Variants in MAP3K13 observed in about 807,000 individuals in gnomAD.
The protein encoded by MAP3K13 is leucine zipper-bearing kinase.
MAP3K13 carries 52 observed loss-of-function variants against 104.0 expected under a neutral mutation model. The ratio of observed to expected loss-of-function variants is 0.50; its 90% CI spans 0.40 to 0.63. The LOEUF (loss-of-function observed/expected upper bound fraction) is 0.63. MAP3K13 is among the 20% of genes least tolerant of loss of function. MAP3K13 has a pLI of 0.00. For missense variants in MAP3K13, 914 were observed against 1,218.5 expected (o/e 0.75, Z 3.72); for synonymous variants, 394 against 442.2 (o/e 0.89, Z 1.37).
In MAP3K13 at chr3:185,454,255, C is replaced by CATATATGAGATATATATCATATATATGAT. The variant is rs1560116114; in HGVS notation, c.1278+2887_1278+2915dup. ...ACATATATATGAGATATATATGATA[C>CATATATGAGATATATATCATATATATGAT]ATATATGAGATATATATCATATATA... On this transcript the variant is annotated intron_variant, in intron 7 of 13. Coordinates refer to ENST00000265026, the MANE Select transcript of MAP3K13 (RefSeq NM_004721.5). Among the ~76,000 whole-genome samples the CATATATGAGATATATATCATATATATGAT allele has an allele frequency of 6.9e-4, 46 of 66,530 alleles. 9 individuals carry two copies. The highest frequency in any genetic ancestry group is 2.4e-3 in the African/African-American group (42 of 17,754). 43.6% of individuals were successfully genotyped at this position (66,530 alleles called of 152,430 possible). A position where few individuals can be genotyped will look rare whatever the true frequency, so the allele number is the denominator to read the frequency against.
Position 185,455,794 on chromosome 3 carries a change from TATGAGATATATGA to T in MAP3K13, c.1278+4400_1278+4412del, listed in dbSNP as rs1716665079. The stretch of plus-strand genomic sequence containing the variant: ...ATATGATATATATATGAGATATATA[TATGAGATATATGA>T]GATATATATATGAGATATATATGAG... On this transcript the variant is annotated intron_variant, in intron 7 of 13. Transcript: ENST00000265026. Among the ~76,000 whole-genome samples the T allele has an allele frequency of 7.0e-5, 8 of 113,808 alleles. No homozygotes were observed. In the East Asian group the frequency reaches 9.2e-4, roughly 13 times the overall value. The allele number at this position is 113,808 out of a possible 152,430, so 74.7% of individuals were successfully genotyped here. A position where few individuals can be genotyped will look rare whatever the true frequency, so the allele number is the denominator to read the frequency against.
chr3:185,385,074 G>C (rs1187347492), intron 1 of MAP3K13, among the ~76,000 whole-genome samples: 2 of 152,066 alleles, frequency 1.3e-5, no homozygotes. Context: ...TATAGTTTCA[G>C]GTCATAAGTT....
At chr3:185,478,482 T>C (rs1439468517) in intron 12 of MAP3K13, among the ~76,000 whole-genome samples, 1 of 152,138 alleles carries the variant, frequency 6.6e-6, no homozygotes, top group Non-Finnish European at 1.5e-5. Context: ...CTGCTATTCC[T>C]GGACTCTTTA....
chr3:185,463,732 A>T lies in MAP3K13; in HGVS notation c.1388+73A>T, dbSNP rs1308791534. On this transcript the variant is annotated intron_variant, in intron 8 of 13. Transcript: ENST00000265026. Reference sequence around the variant, plus strand: ...GATGTTAACAGGCACCCTTATCATAACCACCATTTCACTTTCCACACACCT... The same window carrying T: ...GATGTTAACAGGCACCCTTATCATATCCACCATTTCACTTTCCACACACCT... 3 of 837,076 alleles carry T rather than the reference A, an allele frequency of 3.6e-6. No individual in the cohort carries two copies. The Admixed American group carries it at 5.8e-5, about 16-fold the overall frequency. The allele number at this position is 837,076 out of a possible 1,614,324, so 51.9% of individuals were successfully genotyped here.
chr3:185,466,493 C>T (rs1577608733), intron 9 of MAP3K13, among the ~76,000 whole-genome samples: 1 of 150,152 alleles, frequency 6.7e-6, no homozygotes, highest in African/African-American at 2.4e-5. Flanking sequence ...TCTCCTGCCT[C>T]AGCCTCCTGA....
At chr3:185,319,190 G>C (rs1721775975) in intron 2 of MAP3K13, among the ~76,000 whole-genome samples, 1 of 152,020 alleles carries the variant, frequency 6.6e-6, no homozygotes, top group East Asian at 1.9e-4. Flanking sequence ...TTCCTCATTA[G>C]TTTTCACTGC....
chr3:185,301,252 C>T (rs1219912558), intron 2 of MAP3K13, among the ~76,000 whole-genome samples: 1 of 151,582 alleles, frequency 6.6e-6, no homozygotes, highest in African/African-American at 2.4e-5. Flanking sequence ...ATATGTTTGT[C>T]GGTCATTTGT....
chr3:185,460,105 T>C (rs1717012101), intron 7 of MAP3K13, among the ~76,000 whole-genome samples: 2 of 152,244 alleles, frequency 1.3e-5, no homozygotes, highest in East Asian at 3.9e-4. Flanking sequence ...TGTTTATCCG[T>C]TTATCTATTA....
At position 185,473,289 on chromosome 3, in the gene MAP3K13, A is replaced by G. The variant is rs747496570; in HGVS notation, c.1958A>G (p.His653Arg). 9.3e-6 allele frequency: 15 copies of G among 1,614,008 alleles called. No homozygotes were observed. The East Asian group carries it at 2.5e-4, about 26-fold the overall frequency. The change falls in exon 11 of 14, where the codon CAT (histidine) becomes CGT (arginine). Residue 653 changes from histidine (H) to arginine (R), a missense_variant. By Grantham distance (29) the His-to-Arg change is conservative. Around this residue, in one of 3 missense-constraint regions of MAP3K13, gnomAD observed 583 missense variants for 737.4 expected, o/e 0.79. Coordinates refer to ENST00000265026, the MANE Select transcript of MAP3K13 (RefSeq NM_004721.5). This position sits in a 1 kb window ranked among gnomAD's most constrained non-coding sequence, Gnocchi z 4.9. ...QPPPAMSQSH[H>R]PRLNMHGQDI... The stretch of plus-strand genomic sequence containing the variant: ...CCTCCTGCCATGTCCCAGAGTCACC[A>G]TCCCAGACTCAATATGCACGGACAG...
Position 185,331,092 on chromosome 3 carries a change from C to CTTTTTTTT in MAP3K13, c.-86+45460_-86+45467dup, listed in dbSNP as rs34204309. Among the ~76,000 whole-genome samples the CTTTTTTTT allele has an allele frequency of 2.3e-4, 25 of 108,578 alleles. 2 individuals are homozygous for CTTTTTTTT. Among genetic ancestry groups the CTTTTTTTT allele is most frequent in the Non-Finnish European group, 2.8e-4 (16 of 56,314 alleles). 71.2% of individuals were successfully genotyped at this position (108,578 alleles called of 152,430 possible). On this transcript the variant is annotated intron_variant, in intron 2 of 14. Transcript: ENST00000424227. The stretch of plus-strand genomic sequence containing the variant: ...CTTTTTTTCTTTTAACCTAATTTAC[C>CTTTTTTTT]TTTTTTTTTTTTTTTTTTGAGACGG...
intron 1 of MAP3K13, among the ~76,000 whole-genome samples, chr3:185,407,916 A>G (rs888842556): frequency 2.0e-5 from 2 of 98,006 alleles, no homozygotes; most frequent in African/African-American, 8.3e-5. Context: ...TTGCTTTGTC[A>G]CCAAGGCTGG....
intron 2 of MAP3K13, 32 bp downstream of exon 2, chr3:185,429,088 C>T: frequency 6.3e-7 from 1 of 1,586,726 alleles, no homozygotes; most frequent in African/African-American, 1.3e-5. Context: ...GAAGATATTT[C>T]TTGTGTAAAC....
chr3:185,394,807 A>C (rs1560082720), intron 1 of MAP3K13, among the ~76,000 whole-genome samples: 2 of 152,198 alleles, frequency 1.3e-5, no homozygotes, highest in Non-Finnish European at 2.9e-5. Flanking sequence ...AGAAAGACCT[A>C]ATTTGAAATC....
chr3:185,440,892 G>C (rs1346702189), intron 3 of MAP3K13, among the ~76,000 whole-genome samples: 1 of 152,220 alleles, frequency 6.6e-6, no homozygotes, highest in Non-Finnish European at 1.5e-5. Context: ...ATAAGACATA[G>C]AGAATTACAT....
At chr3:185,317,622 G>C (rs1198871638) in intron 2 of MAP3K13, among the ~76,000 whole-genome samples, 2 of 152,164 alleles carry the variant, frequency 1.3e-5, no homozygotes, top group African/African-American at 2.4e-5. Flanking sequence ...AAATAGACCT[G>C]TCTTTGAATA....
Position 185,418,593 on chromosome 3 carries a change from G to A in MAP3K13, c.-85-9904G>A, listed in dbSNP as rs761721341. ...TGCCAGTACCCCAAGACTCAGCACT[G>A]GTCTGATGACCTGCTAATTCACTGG... On this transcript the variant is annotated intron_variant, in intron 1 of 13. Coordinates refer to ENST00000265026, the MANE Select transcript of MAP3K13 (RefSeq NM_004721.5). The surrounding 1 kb of genome is among the most constrained non-coding windows in gnomAD (Gnocchi z 4.5). 7.4e-6 allele frequency: 12 copies of A among 1,612,194 alleles called. No homozygotes were observed. Among genetic ancestry groups the A allele is most frequent in the East Asian group, 2.2e-5 (1 of 44,902 alleles).
intron 2 of MAP3K13, 87 bp downstream of exon 2, chr3:185,429,143 G>T: frequency 7.8e-7 from 1 of 1,286,572 alleles, no homozygotes; most frequent in South Asian, 1.4e-5. Context: ...GATAACCTAT[G>T]ACCTTTGGGC....
Position 185,477,116 on chromosome 3 carries a change from G to GCATCT in MAP3K13, c.2431-206_2431-202dup. On this transcript the variant is annotated intron_variant, in intron 11 of 13. Transcript: ENST00000265026. ...TTCACTCAGTTCTACACGTCTTCCA[G>GCATCT]CATCTCATGCAGGCCCGCCATCATA... 4.5e-6 allele frequency: 3 copies of GCATCT among 668,250 alleles called. No homozygotes were observed. In the South Asian group the frequency reaches 4.5e-5, roughly 10 times the overall value. The allele number at this position is 668,250 out of a possible 1,614,324, so 41.4% of individuals were successfully genotyped here. A position where few individuals can be genotyped will look rare whatever the true frequency, so the allele number is the denominator to read the frequency against.
At chr3:185,374,939 T>C (rs948659122) in intron 1 of MAP3K13, among the ~76,000 whole-genome samples, 2 of 152,086 alleles carry the variant, frequency 1.3e-5, no homozygotes, top group Non-Finnish European at 2.9e-5. Context: ...AGAGTAAGCA[T>C]AAAAGTAAAG....
Sources: allele counts gnomAD v4.1 joint callset (sites outside exome capture counted in the v4.1 genomes callset), GRCh38; gene constraint gnomAD v4.1.1; regional missense constraint gnomAD v4.1.1; non-coding constraint Gnocchi (gnomAD v3.1); transcripts MANE v1.5; gene names NCBI Gene and HGNC (gene_info 2026-07-23, HGNC 2026-07-21).